TKTL1: variants seen among roughly 807,000 people sequenced by gnomAD.
TKTL1 encodes the protein transketolase-like protein 1.
Under a neutral mutation model 39.3 loss-of-function variants are expected in TKTL1, and 1 was observed. That is an observed-to-expected ratio of 0.03 (90% CI 0.01 to 0.12). The LOEUF is 0.12. TKTL1 is among the 10% of genes least tolerant of loss of function. The pLI, the probability that TKTL1 is intolerant of heterozygous loss-of-function variation, is 1.00. For synonymous variants in TKTL1, 262 were observed against 193.8 expected, an observed-to-expected ratio of 1.35 and a Z score of -2.92; for missense variants, 575 against 509.6, an observed-to-expected ratio of 1.13 and a Z score of -1.24.
intron 7 of TKTL1, among the ~76,000 whole-genome samples, chrX:154,318,352 C>G (rs1419914940): frequency 9.0e-6 from 1 of 110,763 alleles, no homozygotes; most frequent in Non-Finnish European, 1.9e-5. Context: ...GTGGCTCACA[C>G]CTGTAATCCC....
intron 1 of TKTL1, among the ~76,000 whole-genome samples, chrX:154,303,314 G>A (rs1395779865): frequency 3.0e-5 from 3 of 99,745 alleles, no homozygotes; most frequent in Non-Finnish European, 6.0e-5. Context: ...CTGGGCTTAA[G>A]CAACCCTCCC....
chrX:154,323,042 G>A (rs1557171216), intron 8 of TKTL1, among the ~76,000 whole-genome samples, 165 bp from the exon 9 acceptor site: 1 of 112,353 alleles, frequency 8.9e-6, no homozygotes, highest in African/African-American at 3.2e-5. Flanking sequence ...AGAACACAAT[G>A]TAAATGAGTT....
At chrX:154,301,299 C>G (rs1156609656) in intron 1 of TKTL1, among the ~76,000 whole-genome samples, 1 of 109,796 alleles carries the variant, frequency 9.1e-6, no homozygotes, top group Non-Finnish European at 1.9e-5. Context: ...GGTGGATCAC[C>G]TGAGGTCAGG....
chrX:154,325,152 C>A (rs1218139278), intron 9 of TKTL1, among the ~76,000 whole-genome samples, 187 bp from the exon 10 acceptor site: 2 of 112,199 alleles, frequency 1.8e-5, no homozygotes, highest in Non-Finnish European at 3.8e-5. Flanking sequence ...GCTTGTCCTT[C>A]AGGGCAGCCC....
chrX:154,309,640 C>T (rs1402703804), intron 3 of TKTL1, among the ~76,000 whole-genome samples, 198 bp downstream of exon 3: 1 of 111,357 alleles, frequency 9.0e-6, no homozygotes, highest in Non-Finnish European at 1.9e-5. Context: ...TTCTCTCCCA[C>T]AGGTCTGTTG....
intron 12 of TKTL1, among the ~76,000 whole-genome samples, chrX:154,329,107 C>G (rs961203826): frequency 8.9e-6 from 1 of 112,444 alleles, no homozygotes; most frequent in African/African-American, 3.2e-5. Context: ...CCACATTGTT[C>G]CTACAGACAG....
rs375728679 is a variant in TKTL1 at position 154,320,895 on chromosome X, C to T, written c.1168C>T (p.His390Tyr). The T allele has an allele frequency of 2.1e-5, 26 of 1,209,755 alleles. No individual in the cohort carries two copies. The highest frequency in any genetic ancestry group is 3.0e-5 in the East Asian group (1 of 33,798). ...AESNINIIGS[H>Y]CGVSVGDDGA... Reference sequence around the variant, plus strand: ...GAGCAACATCAACATTATTGGTTCCCACTGTGGGGTATCTGTTGGTAAGGG... The same window carrying T: ...GAGCAACATCAACATTATTGGTTCCTACTGTGGGGTATCTGTTGGTAAGGG... The change falls in exon 8 of 13, where the codon CAC (histidine) becomes TAC (tyrosine). Residue 390 changes from histidine to tyrosine, a missense_variant. Coordinates refer to ENST00000369915, the MANE Select transcript of TKTL1 (RefSeq NM_012253.4).
At chrX:154,304,417 CT>C (rs782363920) in intron 1 of TKTL1, among the ~76,000 whole-genome samples, 1 of 110,608 alleles carries the variant, frequency 9.0e-6, no homozygotes, top group East Asian at 2.9e-4. Flanking sequence ...CAAAAGCCCT[CT>C]TTTTGTGTCC....
At chrX:154,321,494 T>TG (rs202210445) in intron 8 of TKTL1, among the ~76,000 whole-genome samples, 3,093 of 15,054 alleles carry the variant, frequency 0.21, 248 homozygotes, top group African/African-American at 0.44. Flanking sequence ...TGCAAGGTGG[T>TG]GGGGGAGAAA....
intron 7 of TKTL1, among the ~76,000 whole-genome samples, chrX:154,318,452 C>CT: frequency 9.2e-6 from 1 of 108,215 alleles, no homozygotes; most frequent in South Asian, 4.1e-4. Flanking sequence ...GTAATCCCAG[C>CT]ACTTTGGGAG....
At position 154,315,277 on chromosome X, in the gene TKTL1, G is replaced by C; in HGVS notation, c.969G>C (p.Glu323Asp). 3 of 1,211,221 alleles carry C rather than the reference G, an allele frequency of 2.5e-6. No individual in the cohort carries two copies. The highest frequency in any genetic ancestry group is 3.5e-5 in the South Asian group (2 of 56,956). ...DGDTRYSTFS[E>D]IFNKEYPERF... is the part of the protein sequence containing the mutation. ...ACACCAGGTACTCTACTTTCTCTGA[G>C]ATATTCAACAAGGAGTACCCTGAGC... The change falls in exon 7 of 13, where the codon GAG becomes GAC. Residue 323 changes from glutamate to aspartate, a missense_variant. By Grantham distance (45) the Glu-to-Asp change is conservative (BLOSUM62 2). Transcript: ENST00000369915.
chrX:154,311,062 G>T (rs1184420795), intron 4 of TKTL1, 35 bp downstream of exon 4: 4 of 1,209,341 alleles, frequency 3.3e-6, no homozygotes, highest in South Asian at 1.8e-5. Context: ...TTTCCATTCT[G>T]TCCTGCCCCC....
chrX:154,305,711 C>T (rs1294568579), intron 2 of TKTL1, among the ~76,000 whole-genome samples: 12 of 110,361 alleles, frequency 1.1e-4, no homozygotes, highest in African/African-American at 4.0e-4. Flanking sequence ...GCTGCTCCCA[C>T]CCTCTGTGCT....
At chrX:154,308,364 C>G (rs2067331323) in intron 2 of TKTL1, among the ~76,000 whole-genome samples, 1 of 111,789 alleles carries the variant, frequency 8.9e-6, no homozygotes, top group Non-Finnish European at 1.9e-5. Flanking sequence ...GCAAGGAGGC[C>G]AGGGTGCCAG....
At chrX:154,298,053 T>G (rs2067244593) in intron 1 of TKTL1, among the ~76,000 whole-genome samples, 1 of 111,955 alleles carries the variant, frequency 8.9e-6, no homozygotes, top group South Asian at 3.7e-4. Flanking sequence ...GTAGGTCTAT[T>G]CAGATTTTCT....
chrX:154,315,246 A>G lies in TKTL1; in HGVS notation c.938A>G (p.Asp313Gly), dbSNP rs1557169119. ...GYANNRVVVL[D>G]GDTRYSTFSE... ...GCGAACAACAGAGTCGTTGTGCTGG[A>G]TGGTGACACCAGGTACTCTACTTTC... The change falls in exon 7 of 13, where the codon GAT becomes GGT. Residue 313 changes from aspartate to glycine, a missense_variant. By Grantham distance (94) the Asp-to-Gly change is moderately conservative. Coordinates refer to ENST00000369915, the MANE Select transcript of TKTL1 (RefSeq NM_012253.4). 8.3e-7 allele frequency: 1 copy of G among 1,211,122 alleles called. No individual in the cohort carries two copies. Among genetic ancestry groups the G allele is most frequent in the East Asian group, 3.0e-5 (1 of 33,837 alleles).
At chrX:154,320,208 G>C (rs1557170288) in intron 7 of TKTL1, 2 of 113,628 alleles carry the variant, frequency 1.8e-5, no homozygotes, top group South Asian at 3.6e-4. Flanking sequence ...GGGGATGGTG[G>C]CCTAGATGAA....
intron 7 of TKTL1, chrX:154,320,532 GTC>G: frequency 2.4e-6 from 1 of 413,860 alleles, no homozygotes; most frequent in Non-Finnish European, 4.2e-6. Context: ...AGGCAAGAGA[GTC>G]TCATCTCTTG....
intron 12 of TKTL1, among the ~76,000 whole-genome samples, chrX:154,328,689 G>C (rs1206143164): frequency 5.5e-5 from 6 of 109,883 alleles, no homozygotes; most frequent in African/African-American, 2.0e-4. Flanking sequence ...CGCCTGGAAA[G>C]GTTAGGTGGG....
Sources: allele counts gnomAD v4.1 joint callset (sites outside exome capture counted in the v4.1 genomes callset), GRCh38; gene constraint gnomAD v4.1.1; transcripts MANE v1.5; gene names NCBI Gene and HGNC (gene_info 2026-07-23, HGNC 2026-07-21).